Variants in DLGAP2 observed in about 807,000 individuals in gnomAD.
DLGAP2 encodes the protein disks large-associated protein 2.
In DLGAP2, 26 loss-of-function variants were observed where a neutral mutation model predicts 100.3. That is an observed-to-expected ratio of 0.26 (90% CI 0.19 to 0.36). DLGAP2 has a LOEUF of 0.36. Ranked by LOEUF, DLGAP2 falls within the 10% of genes least tolerant of loss-of-function variation. The probability of loss-of-function intolerance (pLI) is 1.00; values close to 1 mark genes in which losing one functional copy is unlikely to be tolerated. For missense variants in DLGAP2, 1,858 were observed against 1,453.2 expected (o/e 1.28, Z -4.53); for synonymous variants, 886 against 630.1 (o/e 1.41, Z -6.08).
chr8:1,325,841 C>T (rs564298187), intron 3 of DLGAP2, among the ~76,000 whole-genome samples: 3 of 152,260 alleles, frequency 2.0e-5, no homozygotes, highest in East Asian at 1.9e-4. Context: ...TTGCAAGGAC[C>T]GTCCATGGAG....
chr8:1,515,747 T>C (rs977996538), intron 4 of DLGAP2, among the ~76,000 whole-genome samples: 1 of 91,302 alleles, frequency 1.1e-5, no homozygotes, highest in Non-Finnish European at 2.5e-5. Flanking sequence ...CACACTTGTA[T>C]GCACACACAT....
At chr8:1,076,256 C>T (rs901883421) in intron 2 of DLGAP2, among the ~76,000 whole-genome samples, 2 of 152,174 alleles carry the variant, frequency 1.3e-5, no homozygotes, top group Admixed American at 6.5e-5. Flanking sequence ...GAGCCTATAC[C>T]GCGTGCTGGT....
chr8:1,371,793 G>A (rs11783074), intron 3 of DLGAP2, among the ~76,000 whole-genome samples: 39,078 of 151,926 alleles, frequency 0.26, 5,325 homozygotes, highest in Middle Eastern at 0.3. Flanking sequence ...CATATTCCAC[G>A]TGCATCGTGG....
At chr8:841,470 T>C (rs573644054) in intron 1 of DLGAP2, among the ~76,000 whole-genome samples, 14 of 152,354 alleles carry the variant, frequency 9.2e-5, no homozygotes, top group African/African-American at 2.6e-4. Flanking sequence ...CTCTGCTGTT[T>C]AGTGAAACTG....
chr8:796,422 A>T (rs60361672), intron 1 of DLGAP2, among the ~76,000 whole-genome samples: 1 of 151,332 alleles, frequency 6.6e-6, no homozygotes, highest in Non-Finnish European at 1.5e-5. Flanking sequence ...GACTGCCTGG[A>T]TGCTTTCCTG....
At chr8:1,209,398 ACATTTTAAATTCCAAAAAGACAAT>A in intron 2 of DLGAP2, among the ~76,000 whole-genome samples, 1 of 152,324 alleles carries the variant, frequency 6.6e-6, no homozygotes, top group Non-Finnish European at 1.5e-5. Context: ...TTCCTTCCCT[ACATTTTAAATTCCAAAAAGACAAT>A]CAGATTTGTG....
chr8:743,382 C>A (rs1367079609), intron 1 of DLGAP2, among the ~76,000 whole-genome samples: 1 of 152,130 alleles, frequency 6.6e-6, no homozygotes, highest in Non-Finnish European at 1.5e-5. Context: ...CTGGCACTAA[C>A]TTGTAAGAGA....
intron 2 of DLGAP2, among the ~76,000 whole-genome samples, chr8:970,392 C>T (rs1284158417): frequency 6.6e-6 from 1 of 152,152 alleles, no homozygotes; most frequent in Non-Finnish European, 1.5e-5. Flanking sequence ...GACACATATA[C>T]ACATTTTTCT....
At chr8:1,134,513 G>C (rs1176940729) in intron 2 of DLGAP2, among the ~76,000 whole-genome samples, 2 of 115,828 alleles carry the variant, frequency 1.7e-5, no homozygotes, top group African/African-American at 7.0e-5. Context: ...TTGAGTTTTA[G>C]TAATAGCCAG....
At chr8:1,271,308 G>A (rs1008190697) in intron 3 of DLGAP2, among the ~76,000 whole-genome samples, 18 of 151,190 alleles carry the variant, frequency 1.2e-4, no homozygotes, top group Admixed American at 7.2e-4. Flanking sequence ...CTCCTCAGCC[G>A]GGGGGGTGCG....
intron 2 of DLGAP2, among the ~76,000 whole-genome samples, chr8:1,075,546 T>C (rs1303377392): frequency 6.6e-6 from 1 of 152,146 alleles, no homozygotes; most frequent in Non-Finnish European, 1.5e-5. Flanking sequence ...AGAAGTTTGC[T>C]TAAGTACCAA....
At chr8:1,218,051 G>C (rs1446082381) in intron 2 of DLGAP2, among the ~76,000 whole-genome samples, 1 of 152,116 alleles carries the variant, frequency 6.6e-6, no homozygotes. Flanking sequence ...TAAGTTGTCT[G>C]TTTGCTCTGT....
chr8:1,174,138 G>C (rs1797197957), intron 2 of DLGAP2, among the ~76,000 whole-genome samples: 1 of 152,108 alleles, frequency 6.6e-6, no homozygotes, highest in South Asian at 2.1e-4. Context: ...TCTAAGTCGG[G>C]CTGGAACTGG....
At chr8:1,037,017 C>T (rs1470556448) in intron 2 of DLGAP2, among the ~76,000 whole-genome samples, 1 of 152,148 alleles carries the variant, frequency 6.6e-6, no homozygotes, top group Non-Finnish European at 1.5e-5. Context: ...GGGGAATGCA[C>T]TGGACGCTTG....
chr8:1,476,172 A>G (rs1455297290), intron 3 of DLGAP2, among the ~76,000 whole-genome samples: 2 of 152,206 alleles, frequency 1.3e-5, no homozygotes, highest in Non-Finnish European at 2.9e-5. Flanking sequence ...CACCGACTTC[A>G]TGAGCAAAGG....
intron 2 of DLGAP2, among the ~76,000 whole-genome samples, chr8:1,189,868 G>A (rs1315434643): frequency 1.3e-5 from 2 of 152,202 alleles, no homozygotes; most frequent in African/African-American, 2.4e-5. Flanking sequence ...GGAGATTAAG[G>A]AAAATCACAG....
intron 2 of DLGAP2, among the ~76,000 whole-genome samples, chr8:924,497 G>A (rs528233422): frequency 2.0e-5 from 3 of 152,278 alleles, no homozygotes; most frequent in East Asian, 1.9e-4. Flanking sequence ...TGGCCTTGCC[G>A]AGGTGCAGGA....
At position 759,091 on chromosome 8, in the gene DLGAP2, T is replaced by TTATCAATACCCCCCACAACCTTCCC. The variant is rs1820998011; in HGVS notation, c.18+21266_18+21267insTATCAATACCCCCCACAACCTTCCC. On this transcript the variant is annotated intron_variant, in intron 1 of 14. Transcript: ENST00000637795. ...TTATCAATACCCCCCACAGCCTTCC[T>TTATCAATACCCCCCACAACCTTCCC]GTTATCAATACCCCCGACAGCCTTC... Among the ~76,000 whole-genome samples the TTATCAATACCCCCCACAACCTTCCC allele has an allele frequency of 7.2e-4, 12 of 16,570 alleles. 2 individuals carry two copies. The highest frequency in any genetic ancestry group is 1.9e-3 in the African/African-American group (12 of 6,346). The allele number at this position is 16,570 out of a possible 152,430, so 10.9% of individuals were successfully genotyped here.
chr8:1,245,438 G>T (rs1383092333), intron 2 of DLGAP2, among the ~76,000 whole-genome samples: 1 of 152,222 alleles, frequency 6.6e-6, no homozygotes, highest in Non-Finnish European at 1.5e-5. Flanking sequence ...ACCGATGCAT[G>T]CTGTGACACA....
Sources: gnomAD v4.1 joint callset for allele counts (sites outside exome capture counted in the v4.1 genomes callset) on GRCh38, gnomAD v4.1.1 for gene constraint, MANE v1.5 for transcripts, NCBI Gene and HGNC (gene_info 2026-07-23, HGNC 2026-07-21) for gene names.